The following P4HA1 variants were observed in gnomAD, a reference collection of about 807,000 sequenced individuals.
P4HA1 encodes prolyl 4-hydroxylase subunit alpha-1.
In P4HA1, 24 loss-of-function variants were observed where a neutral mutation model predicts 72.8. The observed-to-expected ratio is 0.33, with a 90% confidence interval of 0.24 to 0.46. P4HA1 has a LOEUF of 0.46. Ranked by LOEUF, P4HA1 falls within the 20% of genes least tolerant of loss-of-function variation. The pLI, the probability that P4HA1 is intolerant of heterozygous loss-of-function variation, is 1.00. For missense variants in P4HA1, 446 were observed against 640.6 expected, an observed-to-expected ratio of 0.70 and a Z score of 3.28; for synonymous variants, 201 against 218.8, an observed-to-expected ratio of 0.92 and a Z score of 0.72.
intron 1 of P4HA1, among the ~76,000 whole-genome samples, chr10:73,086,453 G>T (rs1841924726): frequency 6.6e-6 from 1 of 152,176 alleles, no homozygotes; most frequent in East Asian, 1.9e-4. Context: ...CCAGGGTTAG[G>T]CAAGGGACAA....
intron 7 of P4HA1, among the ~76,000 whole-genome samples, chr10:73,049,933 G>A (rs1840976227): frequency 6.6e-6 from 1 of 152,150 alleles, no homozygotes; most frequent in Non-Finnish European, 1.5e-5. Flanking sequence ...GGAGGCCGAG[G>A]CGGGAGGATC....
intron 3 of P4HA1, among the ~76,000 whole-genome samples, chr10:73,073,528 A>G (rs1301944436): frequency 6.6e-6 from 1 of 152,132 alleles, no homozygotes; most frequent in African/African-American, 2.4e-5. Flanking sequence ...GCTGGTATCT[A>G]TCCATATTCT....
At chr10:73,038,340 C>T (rs541701457) in intron 9 of P4HA1, among the ~76,000 whole-genome samples, 17 of 152,016 alleles carry the variant, frequency 1.1e-4, no homozygotes, top group Non-Finnish European at 2.1e-4. Context: ...ATCATAAATA[C>T]CGTATTGTAG....
intron 10 of P4HA1, among the ~76,000 whole-genome samples, chr10:73,017,813 C>T (rs534651444): frequency 6.6e-6 from 1 of 152,244 alleles, no homozygotes; most frequent in South Asian, 2.1e-4. Context: ...CTTTGGATAT[C>T]ATCTCAGTTT....
At chr10:73,069,133 A>G in intron 4 of P4HA1, 150 bp from the exon 5 acceptor site, 2 of 598,268 alleles carry the variant, frequency 3.3e-6, no homozygotes, top group Non-Finnish European at 5.8e-6. Context: ...AATTAAATAC[A>G]CTGAATAAGA....
chr10:73,009,621 AAAATC>A, intron 14 of P4HA1, 181 bp downstream of exon 14: 1 of 503,744 alleles, frequency 2.0e-6, no homozygotes, highest in Non-Finnish European at 3.6e-6. Flanking sequence ...AGTTAAAAAT[AAAATC>A]TGTCATCAAA....
At chr10:73,047,158 C>A (rs1840885114) in intron 7 of P4HA1, 57 bp from the exon 8 acceptor site, 11 of 1,185,142 alleles carry the variant, frequency 9.3e-6, no homozygotes, top group Non-Finnish European at 1.4e-5. Flanking sequence ...CTTTTAATAT[C>A]TATTCCTATG....
chr10:73,070,436 C>T (rs887858647), intron 4 of P4HA1, among the ~76,000 whole-genome samples: 2 of 151,910 alleles, frequency 1.3e-5, no homozygotes, highest in Non-Finnish European at 2.9e-5. Flanking sequence ...GGATTACAGG[C>T]GTGAAATGAA....
intron 5 of P4HA1, among the ~76,000 whole-genome samples, chr10:73,064,669 C>T (rs1841380982): frequency 6.6e-6 from 1 of 151,980 alleles, no homozygotes; most frequent in Non-Finnish European, 1.5e-5. Context: ...GGTGAAACCT[C>T]ATCTCTACTA....
rs1589633940 is a variant in P4HA1 at position 73,090,641 on chromosome 10, C to T, written c.-33+6125G>A. The stretch of plus-strand genomic sequence containing the variant: ...CCTTATATCAAAGATTAGTGTTTTA[C>T]TTATTACTATCACTCTACTTGGTGG... On this transcript the variant is annotated intron_variant, in intron 1 of 14. Transcript: ENST00000394890. Among the ~76,000 whole-genome samples, 3 of 150,790 alleles carry T rather than the reference C, an allele frequency of 2.0e-5. 1 individual carries two copies. In the Middle Eastern group the frequency reaches 0.01, roughly 513 times the overall value.
chr10:73,047,309 G>A (rs768730377), intron 7 of P4HA1, among the ~76,000 whole-genome samples: 4 of 152,040 alleles, frequency 2.6e-5, no homozygotes, highest in Non-Finnish European at 5.9e-5. Context: ...TTTTCTGGGT[G>A]AGAGAGGCGA....
chr10:73,088,689 C>G (rs1841969596), intron 1 of P4HA1, among the ~76,000 whole-genome samples: 1 of 152,266 alleles, frequency 6.6e-6, no homozygotes, highest in Admixed American at 6.5e-5. Context: ...CAGTGTCCAA[C>G]AGTGGATACT....
At chr10:73,014,076 T>G (rs1171360193) in intron 12 of P4HA1, 148 bp downstream of exon 12, 1 of 604,622 alleles carries the variant, frequency 1.7e-6, no homozygotes, top group Non-Finnish European at 2.9e-6. Flanking sequence ...AAGTTGCAAG[T>G]GCAAAATAAT....
intron 4 of P4HA1, among the ~76,000 whole-genome samples, chr10:73,069,618 G>A (rs1841503724): frequency 6.6e-6 from 1 of 151,928 alleles, no homozygotes; most frequent in Non-Finnish European, 1.5e-5. Flanking sequence ...AATCTTAGAG[G>A]ATTTATATAA....
intron 5 of P4HA1, among the ~76,000 whole-genome samples, chr10:73,054,542 G>A (rs1841092805): frequency 6.6e-6 from 1 of 152,128 alleles, no homozygotes; most frequent in Non-Finnish European, 1.5e-5. Context: ...TGCCTATTCT[G>A]GACATAATGC....
At chr10:73,082,130 A>C (rs1471260765) in intron 1 of P4HA1, among the ~76,000 whole-genome samples, 1 of 152,238 alleles carries the variant, frequency 6.6e-6, no homozygotes, top group Non-Finnish European at 1.5e-5. Context: ...AGGCTTTGTT[A>C]GATGATTTTG....
rs376131663 is a variant in P4HA1, at chr10:73,093,907, TACAC to T, written c.-33+2855_-33+2858del. Among the ~76,000 whole-genome samples the T allele has an allele frequency of 2.3e-3, 126 of 55,564 alleles. 1 individual carries two copies. The highest frequency in any genetic ancestry group is 2.6e-3 in the Non-Finnish European group (89 of 33,622). The allele number at this position is 55,564 out of a possible 152,430, so 36.5% of individuals were successfully genotyped here. A position where few individuals can be genotyped will look rare whatever the true frequency, so the allele number is the denominator to read the frequency against. On this transcript the variant is annotated intron_variant, in intron 1 of 14. Coordinates refer to ENST00000394890, the MANE Select transcript of P4HA1 (RefSeq NM_001017962.3). The stretch of plus-strand genomic sequence containing the variant: ...ATATATATATATATATATATATATA[TACAC>T]ACACACACACACACACATACTCATT...
intron 13 of P4HA1, among the ~76,000 whole-genome samples, chr10:73,010,705 C>T (rs2133028389): frequency 6.6e-6 from 1 of 152,002 alleles, no homozygotes; most frequent in South Asian, 2.1e-4. Context: ...ACTGTCTCTA[C>T]AAAAAATTTA....
intron 10 of P4HA1, among the ~76,000 whole-genome samples, chr10:73,028,021 G>A (rs930482895): frequency 2.0e-5 from 3 of 152,090 alleles, no homozygotes; most frequent in African/African-American, 4.8e-5. Flanking sequence ...AAATGTTGTT[G>A]GATGAATACT....
Sources: allele counts gnomAD v4.1 joint callset (sites outside exome capture counted in the v4.1 genomes callset), GRCh38; gene constraint gnomAD v4.1.1; transcripts MANE v1.5; gene names NCBI Gene and HGNC (gene_info 2026-07-23, HGNC 2026-07-21).